EMC3: variants seen among roughly 807,000 people sequenced by gnomAD.
EMC3 encodes the protein ER membrane protein complex subunit 3.
A neutral mutation model predicts 36.6 loss-of-function variants in EMC3; 13 were observed. That is an observed-to-expected ratio of 0.35 (90% confidence interval 0.23 to 0.56). The LOEUF is 0.56. Among genes scored for constraint, EMC3 ranks in the 20% least tolerant of loss-of-function variants. The pLI is 0.84. For missense variants in EMC3, 220 were observed against 324.5 expected (o/e 0.68, Z 2.47); for synonymous variants, 120 against 111.9 (o/e 1.07, Z -0.46).
Position 9,978,145 on chromosome 3 carries a change from T to TAAAAAAAAAAAAAAAAAAAAAAAA in EMC3, c.156-723_156-700dup, listed in dbSNP as rs71052280. On this transcript the variant is annotated intron_variant, in intron 1 of 7. Transcript: ENST00000245046. ...GGGCAACATAGCAAGACCCTGTCTC[T>TAAAAAAAAAAAAAAAAAAAAAAAA]AAAAAAAAAAAAAAAAAAAAAAAAA... 7.3e-5 allele frequency: 2 copies of TAAAAAAAAAAAAAAAAAAAAAAAA among 27,252 alleles called. 1 individual carries two copies. The highest frequency in any genetic ancestry group is 1.3e-4 in the Non-Finnish European group (2 of 15,406). 1.7% of individuals were successfully genotyped at this position (27,252 alleles called of 1,614,324 possible).
At chr3:9,981,702 T>G (rs1476579907) in intron 1 of EMC3, 2 of 414,666 alleles carry the variant, frequency 4.8e-6, no homozygotes, top group Non-Finnish European at 9.5e-6. Context: ...CCCAAAGTGC[T>G]GGGATTATAG....
upstream of EMC3, chr3:9,986,857 A>T: frequency 1.5e-6 from 2 of 1,374,014 alleles, no homozygotes; most frequent in African/African-American, 2.9e-5. Flanking sequence ...GCGAACGTTG[A>T]CGTCACGTCG....
chr3:9,976,167 C>T (rs537324728), intron 3 of EMC3, among the ~76,000 whole-genome samples: 4 of 152,046 alleles, frequency 2.6e-5, no homozygotes, highest in African/African-American at 4.8e-5. Flanking sequence ...AGTGCAGTGA[C>T]GTGACCTCAG....
At chr3:9,972,080 C>T (rs1451705909) in intron 5 of EMC3, among the ~76,000 whole-genome samples, 1 of 152,062 alleles carries the variant, frequency 6.6e-6, no homozygotes, top group Non-Finnish European at 1.5e-5. Flanking sequence ...TGGTAAGTAA[C>T]ACATGGGTGC....
chr3:10,010,587 T>C (rs2086313054), intron 1 of EMC3, among the ~76,000 whole-genome samples: 1 of 152,314 alleles, frequency 6.6e-6, no homozygotes, highest in South Asian at 2.1e-4. Context: ...TCTGCACTGA[T>C]AGACTAGACT....
At chr3:9,974,178 C>T (rs2085819594) in intron 4 of EMC3, among the ~76,000 whole-genome samples, 4 of 152,174 alleles carry the variant, frequency 2.6e-5, no homozygotes, top group African/African-American at 4.8e-5. Context: ...AAGTCACTTG[C>T]TTGAATCTAA....
chr3:9,987,064 A>T (rs953124389), upstream of EMC3: 3 of 930,544 alleles, frequency 3.2e-6, no homozygotes, highest in African/African-American at 1.8e-5. Context: ...AATACAAAAA[A>T]ATTAGCCAGG....
chr3:9,976,316 G>A (rs1261666855), intron 3 of EMC3, among the ~76,000 whole-genome samples: 1 of 152,060 alleles, frequency 6.6e-6, no homozygotes, highest in Non-Finnish European at 1.5e-5. Flanking sequence ...ATGTAAACCA[G>A]GCTGGTTTGA....
chr3:9,983,396 C>T (rs925249413), intron 1 of EMC3, among the ~76,000 whole-genome samples: 1 of 152,144 alleles, frequency 6.6e-6, no homozygotes, highest in Non-Finnish European at 1.5e-5. Flanking sequence ...GATCTGCCCA[C>T]CTCAGCCTCC....
rs61596273 is a variant in EMC3, at chr3:9,963,477, A to ATATATATATATT, written c.*591_*592insAATATATATATA. The ATATATATATATT allele has an allele frequency of 1.2e-3, 108 of 88,862 alleles. No homozygotes were observed. Among genetic ancestry groups the ATATATATATATT allele is most frequent in the Middle Eastern group, 7.4e-3 (1 of 136 alleles). The allele number at this position is 88,862 out of a possible 1,614,324, so 5.5% of individuals were successfully genotyped here. A position where few individuals can be genotyped will look rare whatever the true frequency, so the allele number is the denominator to read the frequency against. Reference sequence around the variant, plus strand: ...TAGATATATATATATATATATATATATTTTTTTTTTTTTTTCAGATGGAGT... The same window carrying ATATATATATATT: ...TAGATATATATATATATATATATATATATATATATATTTTTTTTTTTTTTTTTCAGATGGAGT... On this transcript the variant is annotated 3_prime_UTR_variant, in exon 8 of 8. Coordinates refer to ENST00000245046, the MANE Select transcript of EMC3 (RefSeq NM_001394674.1).
chr3:9,994,724 C>T (rs2086102268), intron 1 of EMC3, among the ~76,000 whole-genome samples: 1 of 152,082 alleles, frequency 6.6e-6, no homozygotes, highest in Non-Finnish European at 1.5e-5. Flanking sequence ...GCGCGTGCCA[C>T]TATGCCCAGC....
chr3:9,978,146 A>C (rs1173207158), intron 1 of EMC3: 1 of 10,028 alleles, frequency 1.0e-4, no homozygotes, highest in African/African-American at 2.3e-3. Flanking sequence ...CCCTGTCTCT[A>C]AAAAAAAAAA....
At position 9,981,330 on chromosome 3, in the gene EMC3, A is replaced by G. The variant is rs143630871; in HGVS notation, c.156-3884T>C. On this transcript the variant is annotated intron_variant, in intron 1 of 7. Transcript: ENST00000245046. The stretch of plus-strand genomic sequence containing the variant: ...CAAGAGAAATTCATCTAAATCTCCT[A>G]CAATTACACTGCTGAACAATTTTGT... Among the ~76,000 whole-genome samples, 24 of 152,340 alleles carry G rather than the reference A, an allele frequency of 1.6e-4. 1 individual carries two copies. The highest frequency in any genetic ancestry group is 9.6e-4 in the East Asian group (5 of 5,196).
chr3:10,002,379 T>G (rs1004143277), intron 1 of EMC3, among the ~76,000 whole-genome samples: 1 of 151,840 alleles, frequency 6.6e-6, no homozygotes, highest in Non-Finnish European at 1.5e-5. Flanking sequence ...GCCTTGACCT[T>G]CCAGGTTCAG....
chr3:10,003,260 C>G (rs920264866), intron 1 of EMC3: 4 of 456,010 alleles, frequency 8.8e-6, no homozygotes, highest in Non-Finnish European at 1.8e-5. Flanking sequence ...CAGCCCAAGG[C>G]TTTGACTTCA....
chr3:9,977,643 T>C (rs1424982378), intron 1 of EMC3, among the ~76,000 whole-genome samples, 197 bp from the exon 2 acceptor site: 1 of 152,202 alleles, frequency 6.6e-6, no homozygotes, highest in Non-Finnish European at 1.5e-5. Flanking sequence ...TTCAGAAAAG[T>C]ATTTTTCAAA....
At chr3:10,002,824 A>G (rs1332183897) in intron 1 of EMC3, 1 of 456,534 alleles carries the variant, frequency 2.2e-6, no homozygotes, top group Admixed American at 2.4e-5. Context: ...CTCCACGCAG[A>G]GCACCAGCAA....
At chr3:9,975,770 C>G (rs2085841657) in intron 3 of EMC3, among the ~76,000 whole-genome samples, 1 of 148,040 alleles carries the variant, frequency 6.8e-6, no homozygotes, top group Admixed American at 6.8e-5. Context: ...CGAGATCGCA[C>G]CACTGCACTC....
chr3:9,973,385 G>A (rs963195655), intron 5 of EMC3: 2 of 377,354 alleles, frequency 5.3e-6, no homozygotes, highest in Non-Finnish European at 9.7e-6. Flanking sequence ...TAGTACAGAC[G>A]GGGTTTCACA....
Sources: allele counts gnomAD v4.1 joint callset (sites outside exome capture counted in the v4.1 genomes callset), GRCh38; gene constraint gnomAD v4.1.1; transcripts MANE v1.5; gene names NCBI Gene and HGNC (gene_info 2026-07-23, HGNC 2026-07-21).